STK31: variants seen among roughly 807,000 people sequenced by gnomAD.
STK31 encodes serine/threonine-protein kinase 31.
Under a neutral mutation model 129.7 loss-of-function variants are expected in STK31, and 89 were observed. The ratio of observed to expected loss-of-function variants is 0.69; its 90% confidence interval spans 0.58 to 0.82. The LOEUF (loss-of-function observed/expected upper bound fraction) is 0.82, where lower values mean the gene tolerates loss of function less well. Among genes scored for constraint, STK31 ranks in the 40% least tolerant of loss-of-function variants. The pLI is 0.00. For missense variants in STK31, 1,187 were observed against 1,176.4 expected, an observed-to-expected ratio of 1.01 and a Z score of -0.13; for synonymous variants, 448 against 395.3, an observed-to-expected ratio of 1.13 and a Z score of -1.58.
chr7:23,710,460 G>A lies in STK31; in HGVS notation c.50+125G>A. 2.6e-6 allele frequency: 4 copies of A among 1,559,544 alleles called. No individual in the cohort carries two copies. In the South Asian group the frequency reaches 4.8e-5, roughly 19 times the overall value. ...TTTCAGGGTTTTCTGTCACCTTCTAGCCGCCCGCCACCCCAGAGGGGTGCC... is the reference window on the plus strand; with the variant it reads ...TTTCAGGGTTTTCTGTCACCTTCTAACCGCCCGCCACCCCAGAGGGGTGCC... On this transcript the variant is annotated intron_variant, in intron 1 of 23. Coordinates refer to ENST00000355870, the MANE Select transcript of STK31 (RefSeq NM_031414.5).
chr7:23,725,414 G>C (rs1787002228), intron 4 of STK31, among the ~76,000 whole-genome samples: 1 of 145,294 alleles, frequency 6.9e-6, no homozygotes, highest in Admixed American at 6.9e-5. Flanking sequence ...TATGGTATGT[G>C]TGCCTGTAAC....
At position 23,710,352 on chromosome 7, in the gene STK31, G is replaced by A. The variant is rs747978339; in HGVS notation, c.50+17G>A. On this transcript the variant is annotated intron_variant, in intron 1 of 23. Transcript: ENST00000355870. ...AAGTGTGAGGTCAGTAGTAGTTTTT[G>A]TGGTACGTGCAGTGGTGGCCGCTTC... The A allele has an allele frequency of 2.5e-6, 4 of 1,613,350 alleles. No individual in the cohort carries two copies. The African/African-American group carries it at 4.0e-5, about 16-fold the overall frequency.
At position 23,772,140 on chromosome 7, in the gene STK31, T is replaced by G. The variant is rs369383120; in HGVS notation, c.1834-7T>G. On this transcript the variant is annotated splice_polypyrimidine_tract_variant and splice_region_variant and intron_variant, in intron 14 of 23. Coordinates refer to ENST00000355870, the MANE Select transcript of STK31 (RefSeq NM_031414.5). ...TGTTTGAAAATACGTAACTTTTGTT[T>G]ACTTAGTTTAAAAAGCAGCTTATTG... 38 of 1,543,776 alleles carry G rather than the reference T, an allele frequency of 2.5e-5. No homozygotes were observed. In the Admixed American group the frequency reaches 2.8e-4, roughly 11 times the overall value.
chr7:23,761,431 T>A (rs568753149), intron 10 of STK31, among the ~76,000 whole-genome samples: 1 of 152,016 alleles, frequency 6.6e-6, no homozygotes, highest in African/African-American at 2.4e-5. Flanking sequence ...TGCTTTTTTT[T>A]TTTTTTTGAG....
chr7:23,801,865 T>C (rs1319101406), intron 22 of STK31, among the ~76,000 whole-genome samples: 5 of 152,186 alleles, frequency 3.3e-5, no homozygotes, highest in African/African-American at 9.7e-5. Context: ...GTGAGTCTGT[T>C]TGTGGACTCT....
At chr7:23,784,411 T>G (rs1347623494) in intron 17 of STK31, among the ~76,000 whole-genome samples, 2 of 152,210 alleles carry the variant, frequency 1.3e-5, no homozygotes, top group Non-Finnish European at 2.9e-5. Flanking sequence ...CTTTCTAGAC[T>G]AGACTTTAAA....
chr7:23,783,277 T>C (rs1277894642), intron 16 of STK31, among the ~76,000 whole-genome samples: 1 of 152,178 alleles, frequency 6.6e-6, no homozygotes, highest in Admixed American at 6.5e-5. Flanking sequence ...GCTATTGTTA[T>C]AGGTCCACAC....
chr7:23,762,059 A>G (rs1294584415), intron 10 of STK31, among the ~76,000 whole-genome samples: 2 of 151,436 alleles, frequency 1.3e-5, no homozygotes, highest in Non-Finnish European at 2.9e-5. Context: ...ACACTGTTAT[A>G]GGTAATAGAG....
chr7:23,715,928 C>G (rs1786287886), intron 3 of STK31, among the ~76,000 whole-genome samples: 1 of 152,092 alleles, frequency 6.6e-6, no homozygotes, highest in African/African-American at 2.4e-5. Context: ...AGTACAGAGG[C>G]TAGAATGTGG....
At chr7:23,776,618 A>G (rs1790563095) in intron 15 of STK31, among the ~76,000 whole-genome samples, 2 of 152,188 alleles carry the variant, frequency 1.3e-5, no homozygotes, top group Non-Finnish European at 2.9e-5. Flanking sequence ...CGATTTGCAT[A>G]GAGGTGTTTA....
chr7:23,813,165 CTTCTGTCAT>C (rs373733622), intron 22 of STK31, among the ~76,000 whole-genome samples: 85 of 132,352 alleles, frequency 6.4e-4, no homozygotes, highest in African/African-American at 1.9e-3. Context: ...CTGATTTTGT[CTTCTGTCAT>C]TTCTGTCATT....
At chr7:23,773,189 C>T (rs1030572668) in intron 15 of STK31, among the ~76,000 whole-genome samples, 2 of 152,120 alleles carry the variant, frequency 1.3e-5, no homozygotes, top group African/African-American at 4.8e-5. Context: ...TGCTATTCCT[C>T]CCCTAGACCC....
intron 10 of STK31, among the ~76,000 whole-genome samples, chr7:23,758,008 G>C (rs1409787123): frequency 6.6e-6 from 1 of 152,190 alleles, no homozygotes; most frequent in Non-Finnish European, 1.5e-5. Flanking sequence ...ATGAAACCTT[G>C]AGTCGACACA....
At chr7:23,815,055 C>A in intron 22 of STK31, 89 bp from the exon 23 acceptor site, 1 of 897,836 alleles carries the variant, frequency 1.1e-6, no homozygotes, top group Non-Finnish European at 1.6e-6. Flanking sequence ...CTTTTCTAGT[C>A]ACCAGGATCT....
At chr7:23,769,556 T>G (rs1758933545) in intron 12 of STK31, 84 bp from the exon 13 acceptor site, 1 of 950,234 alleles carries the variant, frequency 1.1e-6, no homozygotes, top group Non-Finnish European at 1.6e-6. Flanking sequence ...GGGTATAGCT[T>G]AATACTCTGC....
chr7:23,827,844 T>G (rs557375009), intron 23 of STK31, among the ~76,000 whole-genome samples: 1 of 152,202 alleles, frequency 6.6e-6, no homozygotes, highest in East Asian at 1.9e-4. Context: ...TCTGTTGTAG[T>G]TTACTGGAGG....
intron 23 of STK31, among the ~76,000 whole-genome samples, chr7:23,830,592 T>TTGTGTGTGTGTGTGTGTGTGTGTGTG (rs3034048): frequency 2.1e-5 from 3 of 142,140 alleles, no homozygotes; most frequent in Non-Finnish European, 3.0e-5. Context: ...AATTTCCATG[T>TTGTGTGTGTGTGTGTGTGTGTGTGTG]TGTGTGTGTG....
At position 23,805,486 on chromosome 7, in the gene STK31, TA is replaced by T. The variant is rs767935815; in HGVS notation, c.2761-9657del. On this transcript the variant is annotated intron_variant, in intron 22 of 23. Coordinates refer to ENST00000355870, the MANE Select transcript of STK31 (RefSeq NM_031414.5). ...ACCAAACATATTTGTTTTTATTTTT[TA>T]TTTTTTTATTTTTTGGAGATGGAGT... Among the ~76,000 whole-genome samples the T allele has an allele frequency of 1.6e-4, 24 of 152,314 alleles. No homozygotes were observed. In the East Asian group the frequency reaches 4.4e-3, roughly 28 times the overall value.
At chr7:23,792,540 T>C (rs976139594) in intron 22 of STK31, among the ~76,000 whole-genome samples, 8 of 152,312 alleles carry the variant, frequency 5.3e-5, no homozygotes, top group Admixed American at 4.6e-4. Context: ...TGTTCTTGGC[T>C]TATAGATTCG....
Sources: allele counts gnomAD v4.1 joint callset (sites outside exome capture counted in the v4.1 genomes callset), GRCh38; gene constraint gnomAD v4.1.1; transcripts MANE v1.5; gene names NCBI Gene and HGNC (gene_info 2026-07-23, HGNC 2026-07-21).